Variants in MYO3B observed in about 807,000 individuals in gnomAD.
The protein encoded by MYO3B is myosin-IIIb.
MYO3B carries 156 observed loss-of-function variants against 174.6 expected under a neutral mutation model. The observed-to-expected ratio is 0.89, with a 90% CI of 0.78 to 1.02. MYO3B has a LOEUF of 1.02. Among genes scored for constraint, MYO3B ranks in the 50% least tolerant of loss-of-function variants. MYO3B has a pLI of 0.00. For missense variants in MYO3B, 1,632 were observed against 1,639.4 expected (o/e 1.00, Z 0.08); for synonymous variants, 563 against 569.1 (o/e 0.99, Z 0.15).
At chr2:170,306,370 A>G (rs2093700798) in intron 7 of MYO3B, among the ~76,000 whole-genome samples, 2 of 152,352 alleles carry the variant, frequency 1.3e-5, no homozygotes, top group South Asian at 2.1e-4. Context: ...AAGAATTTGC[A>G]TATGGCAGTT....
chr2:170,502,677 C>A (rs1206111170), intron 28 of MYO3B, among the ~76,000 whole-genome samples: 2 of 152,292 alleles, frequency 1.3e-5, no homozygotes, highest in Non-Finnish European at 2.9e-5. Context: ...AAGAAACAGG[C>A]CCCTGAGCTC....
chr2:170,606,742 C>T (rs1036603777), intron 32 of MYO3B, among the ~76,000 whole-genome samples: 8 of 152,104 alleles, frequency 5.3e-5, no homozygotes, highest in Non-Finnish European at 1.0e-4. Flanking sequence ...AAATACAGGC[C>T]GGGCACGGTG....
In MYO3B at chr2:170,192,556, C is replaced by T. The variant is rs187502008; in HGVS notation, c.3-6652C>T. ...ATTCTACTGTTTTTCTGTTTTCTAA[C>T]TCATCAATTTCTGCTTTTATTTTTT... On this transcript the variant is annotated intron_variant, in intron 1 of 34. Transcript: ENST00000408978. 3.1e-3 allele frequency among the ~76,000 whole-genome samples: 467 copies of T among 150,874 alleles called. 2 individuals are homozygous for T. The highest frequency in any genetic ancestry group is 0.01 in the African/African-American group (429 of 41,376).
At chr2:170,183,026 C>T (rs1032012350) in intron 1 of MYO3B, among the ~76,000 whole-genome samples, 1 of 151,870 alleles carries the variant, frequency 6.6e-6, no homozygotes, top group African/African-American at 2.4e-5. Context: ...GAGGCCAAGG[C>T]GGGTGGATTG....
At chr2:170,443,914 T>C (rs767407506) in intron 22 of MYO3B, 53 bp from the exon 23 acceptor site, 2 of 1,460,388 alleles carry the variant, frequency 1.4e-6, no homozygotes, top group Non-Finnish European at 1.9e-6. Context: ...TTACTCATGA[T>C]CCTATTTCTT....
intron 25 of MYO3B, 37 bp downstream of exon 25, chr2:170,466,748 T>A: frequency 6.2e-7 from 1 of 1,601,622 alleles, no homozygotes; most frequent in Non-Finnish European, 8.5e-7. Flanking sequence ...TTCTTATAAA[T>A]GTAGCTCTAC....
chr2:170,338,802 C>A (rs1350361834), intron 8 of MYO3B, among the ~76,000 whole-genome samples: 2 of 152,000 alleles, frequency 1.3e-5, no homozygotes, highest in African/African-American at 4.8e-5. Context: ...GGGGTTTCAC[C>A]ATGTTGGCCA....
chr2:170,534,423 A>G (rs564732254), intron 30 of MYO3B, among the ~76,000 whole-genome samples: 19 of 152,266 alleles, frequency 1.2e-4, no homozygotes, highest in Middle Eastern at 6.8e-3. Context: ...CTGGAGTTCA[A>G]ATTCAACTGG....
intron 32 of MYO3B, among the ~76,000 whole-genome samples, chr2:170,581,890 A>C (rs1693173192): frequency 6.6e-6 from 1 of 152,232 alleles, no homozygotes; most frequent in South Asian, 2.1e-4. Context: ...AAGTTTACCA[A>C]AGCTATAAAA....
At chr2:170,639,673 C>T (rs1697807793) in intron 32 of MYO3B, among the ~76,000 whole-genome samples, 1 of 152,136 alleles carries the variant, frequency 6.6e-6, no homozygotes, top group African/African-American at 2.4e-5. Context: ...GGATCCAATC[C>T]TCCTGAGACC....
chr2:170,195,700 C>G (rs1359621513), intron 1 of MYO3B, among the ~76,000 whole-genome samples: 1 of 152,166 alleles, frequency 6.6e-6, no homozygotes, highest in Admixed American at 6.5e-5. Flanking sequence ...GTACCCACCT[C>G]TAGATGCTAG....
At chr2:170,605,992 A>G (rs1276805418) in intron 32 of MYO3B, among the ~76,000 whole-genome samples, 1 of 152,028 alleles carries the variant, frequency 6.6e-6, no homozygotes, top group East Asian at 1.9e-4. Flanking sequence ...TTCTGAATAC[A>G]TCTTGATTTT....
chr2:170,484,012 C>G (rs1201982087), intron 25 of MYO3B, among the ~76,000 whole-genome samples: 1 of 152,174 alleles, frequency 6.6e-6, no homozygotes, highest in Non-Finnish European at 1.5e-5. Flanking sequence ...TCTGCCTACC[C>G]CTGAGCACGA....
At chr2:170,543,314 C>T (rs1017584197) in intron 31 of MYO3B, among the ~76,000 whole-genome samples, 3 of 152,094 alleles carry the variant, frequency 2.0e-5, no homozygotes, top group African/African-American at 7.2e-5. Context: ...CTTTGATATC[C>T]TGCTCGAATT....
chr2:170,230,362 T>TTTTTGGA (rs1559318933), intron 6 of MYO3B, among the ~76,000 whole-genome samples: 2 of 142,736 alleles, frequency 1.4e-5, no homozygotes, highest in African/African-American at 5.4e-5. Context: ...TTTTTTTTTT[T>TTTTTGGA]AGTAGAGACG....
intron 32 of MYO3B, among the ~76,000 whole-genome samples, chr2:170,581,288 T>C (rs1178959860): frequency 6.6e-6 from 1 of 152,384 alleles, no homozygotes; most frequent in East Asian, 1.9e-4. Flanking sequence ...CTTTCTCATG[T>C]GTTACTTTTT....
intron 25 of MYO3B, among the ~76,000 whole-genome samples, chr2:170,476,327 A>G (rs1685319259): frequency 6.6e-6 from 1 of 152,190 alleles, no homozygotes; most frequent in Non-Finnish European, 1.5e-5. Context: ...AAACCAGCTC[A>G]GTGGACCCTC....
Position 170,383,722 on chromosome 2 carries a change from T to C in MYO3B, c.1198T>C (p.Tyr400His), listed in dbSNP as rs1260527308. 1.8e-5 allele frequency: 29 copies of C among 1,613,380 alleles called. No homozygotes were observed. The highest frequency in any genetic ancestry group is 2.5e-5 in the Non-Finnish European group (29 of 1,179,392). Residue 400 changes from tyrosine to histidine, a missense_variant, in exon 12 of 35, where the codon TAT becomes CAT. Tyr to His is a moderately conservative substitution (Grantham distance 83). Transcript: ENST00000408978. ...SIYSPQFSRL[Y>H]HGVKRASNPP... The stretch of plus-strand genomic sequence containing the variant: ...ATTTTTCCTTCAGTTTTCCAGACTT[T>C]ATCATGGGGTGAAACGCGCCTCCAA...
intron 32 of MYO3B, among the ~76,000 whole-genome samples, chr2:170,649,554 C>T (rs377237699): frequency 4.7e-5 from 7 of 147,686 alleles, no homozygotes; most frequent in Admixed American, 1.4e-4. Context: ...AAGCTGGGCA[C>T]GGTGGCTCAT....
Sources: allele counts gnomAD v4.1 joint callset (sites outside exome capture counted in the v4.1 genomes callset), GRCh38; gene constraint gnomAD v4.1.1; transcripts MANE v1.5; gene names NCBI Gene and HGNC (gene_info 2026-07-23, HGNC 2026-07-21).